DDX1: variants seen among roughly 807,000 people sequenced by gnomAD.
DDX1 encodes DEAD-box helicase 1.
A neutral mutation model predicts 108.7 loss-of-function variants in DDX1; 28 were observed. The observed-to-expected ratio is 0.26, with a 90% CI of 0.19 to 0.35. DDX1 has a LOEUF of 0.35. Among genes scored for constraint, DDX1 ranks in the 10% least tolerant of loss-of-function variants. The pLI is 1.00. For synonymous variants in DDX1, 295 were observed against 288.9 expected (o/e 1.02, Z -0.21); for missense variants, 710 against 884.5 (o/e 0.80, Z 2.50).
chr2:15,630,808 G>A lies in DDX1; in HGVS notation c.2125G>A (p.Ala709Thr). The A allele has an allele frequency of 1.2e-6, 2 of 1,613,906 alleles. No individual in the cohort carries two copies. Among genetic ancestry groups the A allele is most frequent in the Non-Finnish European group, 8.5e-7 (1 of 1,179,834 alleles). ...GSYKGHVDIL[A>T]PTVQELAALE... ...CTATAAAGGCCATGTGGATATTTTG[G>A]CACCTACTGTTCAAGAGTTGGCTGC... Residue 709 changes from alanine (A) to threonine (T), a missense_variant, in exon 26 of 26, where the codon GCA becomes ACA. By Grantham distance (58) the Ala-to-Thr change is moderately conservative. Transcript: ENST00000233084.
intron 6 of DDX1, among the ~76,000 whole-genome samples, chr2:15,600,958 G>C (rs1665581125): frequency 6.6e-6 from 1 of 151,574 alleles, no homozygotes; most frequent in African/African-American, 2.4e-5. Flanking sequence ...CACAGCTGTG[G>C]CTCTGTACCA....
At chr2:15,605,820 A>G (rs1665652061) in intron 10 of DDX1, 130 bp from the exon 11 acceptor site, 1 of 611,002 alleles carries the variant, frequency 1.6e-6, no homozygotes, top group Non-Finnish European at 2.8e-6. Context: ...AGCTGGCCTT[A>G]GGCAGCACAG....
At chr2:15,606,321 T>A in intron 12 of DDX1, 57 bp downstream of exon 12, 1 of 1,280,620 alleles carries the variant, frequency 7.8e-7, no homozygotes, top group Non-Finnish European at 1.1e-6. Flanking sequence ...TGATGAGAAC[T>A]CCAGTAAGTA....
At chr2:15,620,823 C>T (rs191837138) in intron 17 of DDX1, among the ~76,000 whole-genome samples, 2 of 151,886 alleles carry the variant, frequency 1.3e-5, no homozygotes, top group Admixed American at 6.6e-5. Flanking sequence ...TATAAATATA[C>T]AATATTTTAG....
At chr2:15,595,026 T>G in intron 1 of DDX1, 119 bp from the exon 2 acceptor site, 2 of 703,328 alleles carry the variant, frequency 2.8e-6, no homozygotes, top group Non-Finnish European at 4.6e-6. Context: ...GCTCAGTAGA[T>G]TTGATGTAAC....
intron 5 of DDX1, among the ~76,000 whole-genome samples, chr2:15,597,738 TCTTAAC>T (rs1419747509): frequency 6.6e-6 from 1 of 152,182 alleles, no homozygotes; most frequent in Non-Finnish European, 1.5e-5. Flanking sequence ...ATAGTGTTTT[TCTTAAC>T]CTTATAACTT....
chr2:15,595,032 G>A (rs1209120528), intron 1 of DDX1, 113 bp from the exon 2 acceptor site: 3 of 739,550 alleles, frequency 4.1e-6, no homozygotes, highest in Non-Finnish European at 6.5e-6. Context: ...TAGATTTGAT[G>A]TAACTGAGCT....
intron 15 of DDX1, 81 bp downstream of exon 15, chr2:15,617,423 T>G (rs1313000311): frequency 4.0e-6 from 3 of 753,428 alleles, no homozygotes; most frequent in Non-Finnish European, 6.2e-6. Context: ...AGAAGAAATA[T>G]AATTCAGTCA....
rs566154510 is a variant in DDX1 at position 15,604,007 on chromosome 2, A to G, written c.552+117A>G. ...CTCAAAATGAGCAGATTTTCTGTAT[A>G]TTTTCCACAGAAAGTTTGGATTTGG... On this transcript the variant is annotated intron_variant, in intron 9 of 25. Coordinates refer to ENST00000233084, the MANE Select transcript of DDX1 (RefSeq NM_004939.3). 6 of 653,198 alleles carry G rather than the reference A, an allele frequency of 9.2e-6. No homozygotes were observed. In the South Asian group the frequency reaches 1.5e-4, roughly 16 times the overall value. The allele number at this position is 653,198 out of a possible 1,614,324, so 40.5% of individuals were successfully genotyped here. A position where few individuals can be genotyped will look rare whatever the true frequency, so the allele number is the denominator to read the frequency against.
intron 5 of DDX1, among the ~76,000 whole-genome samples, chr2:15,598,340 A>C (rs1665534528): frequency 6.6e-6 from 1 of 152,236 alleles, no homozygotes; most frequent in Non-Finnish European, 1.5e-5. Context: ...CCTATTCTAA[A>C]ATAGTTTCAG....
intron 13 of DDX1, 42 bp from the exon 14 acceptor site, chr2:15,613,182 A>AT (rs1665829944): frequency 4.8e-6 from 6 of 1,255,774 alleles, no homozygotes; most frequent in South Asian, 2.8e-5. Flanking sequence ...AGCAGACTTT[A>AT]ATTTTTTTTT....
intron 1 of DDX1, among the ~76,000 whole-genome samples, 153 bp downstream of exon 1, chr2:15,592,102 G>A (rs1665423089): frequency 6.6e-6 from 1 of 152,266 alleles, no homozygotes; most frequent in African/African-American, 2.4e-5. Context: ...CCCGCGTTGC[G>A]GGATCAGGGG....
intron 13 of DDX1, among the ~76,000 whole-genome samples, chr2:15,610,251 C>A (rs1181017035): frequency 6.6e-6 from 1 of 152,120 alleles, no homozygotes; most frequent in Non-Finnish European, 1.5e-5. Flanking sequence ...TGATACTGTC[C>A]TTTGGAAGTC....
At chr2:15,624,566 C>T (rs965677873) in intron 19 of DDX1, among the ~76,000 whole-genome samples, 1 of 152,134 alleles carries the variant, frequency 6.6e-6, no homozygotes, top group African/African-American at 2.4e-5. Flanking sequence ...CTCATGAGGA[C>T]TCCGTCACTA....
rs1666160638 is a variant in DDX1, at chr2:15,629,682, G to T, written c.1956G>T (p.Trp652Cys). 6.4e-7 allele frequency: 1 copy of T among 1,572,006 alleles called. No individual in the cohort carries two copies. Among genetic ancestry groups the T allele is most frequent in the African/African-American group, 1.4e-5 (1 of 72,072 alleles). Residue 652 changes from tryptophan to cysteine, a missense_variant, in exon 24 of 26, where the codon TGG becomes TGT. By Grantham distance (215) the Trp-to-Cys change is radical (BLOSUM62 -2). This residue lies in a region of DDX1 where 661 missense variants were observed against 810.2 expected (regional missense o/e 0.82). Transcript: ENST00000233084. ...AGGAAGATGGAGGCTGTACCATATG[G>T]TACAACGAGATGCAGGTAAGACTTC... The part of the protein sequence containing the change: ...RLKEDGGCTI[W>C]YNEMQLLSEI...
At chr2:15,608,527 CAA>C (rs201822266) in intron 13 of DDX1, among the ~76,000 whole-genome samples, 12 of 93,920 alleles carry the variant, frequency 1.3e-4, no homozygotes, top group Admixed American at 2.2e-4. Flanking sequence ...GACTCCGTCT[CAA>C]AAAAAAAAAA....
Position 15,597,445 on chromosome 2 carries a change from AAAC to A in DDX1, c.239_241del (p.Thr80del), listed in dbSNP as rs777629641. 1.1e-5 allele frequency: 18 copies of A among 1,608,228 alleles called. No homozygotes were observed. Among genetic ancestry groups the A allele is most frequent in the Non-Finnish European group, 1.5e-5 (18 of 1,177,476 alleles). On this transcript the variant is annotated inframe_deletion, in exon 5 of 26. Transcript: ENST00000233084. ...GACCAACAGGAAGGCAAAAAAGGAA[AAAC>A]AACAATTAAAACTGGTGCTTCAGGT... is the stretch of plus-strand genomic sequence containing the variant.
chr2:15,600,871 C>T lies in DDX1; in HGVS notation c.307+1155C>T, dbSNP rs146747746. On this transcript the variant is annotated intron_variant, in intron 6 of 25. Coordinates refer to ENST00000233084, the MANE Select transcript of DDX1 (RefSeq NM_004939.3). ...TCTTATTTGTGTTTTCTTATGCATC[C>T]AGTGAACCAGCTCCCCAGGAGTTGG... 1.6e-3 allele frequency among the ~76,000 whole-genome samples: 245 copies of T among 149,584 alleles called. 3 individuals carry two copies. Among genetic ancestry groups the T allele is most frequent in the African/African-American group, 5.9e-3 (239 of 40,516 alleles).
chr2:15,621,748 G>A (rs926025580), intron 18 of DDX1, among the ~76,000 whole-genome samples: 5 of 151,704 alleles, frequency 3.3e-5, no homozygotes, highest in African/African-American at 1.2e-4. Flanking sequence ...TGCCTCCCAG[G>A]CTCAAGCAGT....
Sources: gnomAD v4.1 joint callset for allele counts (sites outside exome capture counted in the v4.1 genomes callset) on GRCh38, gnomAD v4.1.1 for gene constraint, gnomAD v4.1.1 regional missense constraint, MANE v1.5 for transcripts, NCBI Gene and HGNC (gene_info 2026-07-23, HGNC 2026-07-21) for gene names.